Variants in AIRE observed in about 807,000 individuals in gnomAD.
The protein encoded by AIRE is autoimmune regulator.
Under a neutral mutation model 62.1 loss-of-function variants are expected in AIRE, and 52 were observed. The ratio of observed to expected loss-of-function variants is 0.84; its 90% CI spans 0.67 to 1.06. The LOEUF is 1.06. AIRE is among the 50% of genes least tolerant of loss of function. The pLI is 0.00. For synonymous variants in AIRE, 342 were observed against 321.6 expected (o/e 1.06, Z -0.68); for missense variants, 774 against 755.8 (o/e 1.02, Z -0.28).
Position 44,288,418 on chromosome 21 carries a change from G to A in AIRE, c.612G>A (p.Gly204=). ...MSSGDVPGAR[G]AVEGILIQQV... Reference sequence around the variant, plus strand: ...CCGGGGACGTCCCGGGAGCCCGAGGGGCCGTGGAGGGGATCCTCATCCAGC... The same window carrying A: ...CCGGGGACGTCCCGGGAGCCCGAGGAGCCGTGGAGGGGATCCTCATCCAGC... Residue 204 remains glycine, a synonymous_variant, in exon 5 of 14, where the codon GGG becomes GGA. Transcript: ENST00000291582. 6.2e-7 allele frequency: 1 copy of A among 1,611,942 alleles called. No homozygotes were observed. The highest frequency in any genetic ancestry group is 8.5e-7 in the Non-Finnish European group (1 of 1,178,890).
Position 44,290,079 on chromosome 21 carries a change from A to G in AIRE, c.879+11A>G, listed in dbSNP as rs1601966929. The G allele has an allele frequency of 6.2e-7, 1 of 1,609,958 alleles. No homozygotes were observed. Among genetic ancestry groups the G allele is most frequent in the Non-Finnish European group, 8.5e-7 (1 of 1,178,172 alleles). ...CCCCAGCTCCACCAGGTAATGCCCT[A>G]GACCACAGGAGAGGCCCCTGTCTGC... is the stretch of plus-strand genomic sequence containing the variant. On this transcript the variant is annotated intron_variant, in intron 7 of 13. Coordinates refer to ENST00000291582, the MANE Select transcript of AIRE (RefSeq NM_000383.4).
intron 9 of AIRE, 105 bp from the exon 10 acceptor site, chr21:44,292,888 C>A: frequency 9.4e-7 from 1 of 1,060,020 alleles, no homozygotes; most frequent in Non-Finnish European, 1.4e-6. Flanking sequence ...CAGGCCTCTG[C>A]CCCCACCCTG....
In AIRE at chr21:44,292,417, CT is replaced by C. The variant is rs748548018; in HGVS notation, c.1095+17del. The C allele has an allele frequency of 6.5e-7, 1 of 1,534,806 alleles. No individual in the cohort carries two copies. The highest frequency in any genetic ancestry group is 8.8e-7 in the Non-Finnish European group (1 of 1,134,568). ...GGAGACCCCGGTATGGCCACGCCCC[CT>C]CCTAGCCGGGCCACCCCTCCTGTCC... is the stretch of plus-strand genomic sequence containing the variant. On this transcript the variant is annotated intron_variant, in intron 9 of 13. Coordinates refer to ENST00000291582, the MANE Select transcript of AIRE (RefSeq NM_000383.4).
chr21:44,288,521 A>G (rs1279213108), intron 5 of AIRE, 63 bp downstream of exon 5: 7 of 1,250,252 alleles, frequency 5.6e-6, no homozygotes, highest in Admixed American at 1.8e-5. Context: ...TGGAAGGAGG[A>G]CCACGCCCCT....
At position 44,291,010 on chromosome 21, in the gene AIRE, G is replaced by A. The variant is rs142297552; in HGVS notation, c.880-85G>A. Reference sequence around the variant, plus strand: ...GTTCAGGTACCCAGAGATGCTGCTGGGGGAGCTGTTTTGGGAAGGAGGTGG... The same window carrying A: ...GTTCAGGTACCCAGAGATGCTGCTGAGGGAGCTGTTTTGGGAAGGAGGTGG... On this transcript the variant is annotated intron_variant, in intron 7 of 13. Coordinates refer to ENST00000291582, the MANE Select transcript of AIRE (RefSeq NM_000383.4). 8 of 1,613,486 alleles carry A rather than the reference G, an allele frequency of 5.0e-6. No homozygotes were observed. The East Asian group carries it at 1.1e-4, about 22-fold the overall frequency.
chr21:44,294,362 TC>T (rs757763493), intron 11 of AIRE, 38 bp from the exon 12 acceptor site: 30 of 1,395,830 alleles, frequency 2.1e-5, no homozygotes, highest in Middle Eastern at 2.2e-4. Flanking sequence ...GCACTCCTGC[TC>T]CCCCCCAGGG....
In AIRE at chr21:44,298,068, G is replaced by A. The variant is rs953376951; in HGVS notation, c.*341G>A. ...AATCACTTGAACTCGGGAGGTGGAGGTTGCAGTGAGCTGAGATTGCGCCAC... is the reference window on the plus strand; with the variant it reads ...AATCACTTGAACTCGGGAGGTGGAGATTGCAGTGAGCTGAGATTGCGCCAC... On this transcript the variant is annotated 3_prime_UTR_variant, in exon 14 of 14. Transcript: ENST00000291582. 5.6e-6 allele frequency: 2 copies of A among 357,560 alleles called. No homozygotes were observed. Among genetic ancestry groups the A allele is most frequent in the Non-Finnish European group, 1.1e-5 (2 of 185,438 alleles). 22.1% of individuals were successfully genotyped at this position (357,560 alleles called of 1,614,324 possible).
At chr21:44,293,236 T>C in intron 10 of AIRE, 61 bp downstream of exon 10, 2 of 1,435,084 alleles carry the variant, frequency 1.4e-6, no homozygotes, top group Non-Finnish European at 1.8e-6. Context: ...ACGGGGCGGA[T>C]GAATTCACCT....
At chr21:44,288,172 C>G (rs1170216467) in intron 4 of AIRE, among the ~76,000 whole-genome samples, 173 bp from the exon 5 acceptor site, 1 of 152,234 alleles carries the variant, frequency 6.6e-6, no homozygotes, top group Non-Finnish European at 1.5e-5. Context: ...ATTCTCATGT[C>G]TCTGCACTTA....
chr21:44,293,259 G>A, intron 10 of AIRE, 84 bp downstream of exon 10: 1 of 1,399,890 alleles, frequency 7.1e-7, no homozygotes, highest in Non-Finnish European at 9.4e-7. Context: ...AACAGGAGGA[G>A]AGGGAGGCCA....
intron 7 of AIRE, chr21:44,290,779 G>A: frequency 6.7e-7 from 1 of 1,483,134 alleles, no homozygotes; most frequent in Non-Finnish European, 9.1e-7. Flanking sequence ...CCCTGGGCCT[G>A]GCCCCACTGC....
intron 13 of AIRE, among the ~76,000 whole-genome samples, chr21:44,296,689 G>A (rs1268610022): frequency 1.0e-5 from 1 of 98,264 alleles, no homozygotes; most frequent in Non-Finnish European, 2.0e-5. Flanking sequence ...CGGGAGCCCA[G>A]TGCTGCTGAG....
Position 44,286,188 on chromosome 21 carries a change from A to G in AIRE, c.132+50A>G, listed in dbSNP as rs1419506464. The G allele has an allele frequency of 6.2e-6, 8 of 1,281,242 alleles. No individual in the cohort carries two copies. In the South Asian group the frequency reaches 9.0e-5, roughly 14 times the overall value. 79.4% of individuals were successfully genotyped at this position (1,281,242 alleles called of 1,614,324 possible). A position where few individuals can be genotyped will look rare whatever the true frequency, so the allele number is the denominator to read the frequency against. ...TGCCCCCAGGCCCTGTGAGCCAGGG[A>G]TAGTCCCCGGGGAAGTTCCAGGAGG... is the stretch of plus-strand genomic sequence containing the variant. On this transcript the variant is annotated intron_variant, in intron 1 of 13. Coordinates refer to ENST00000291582, the MANE Select transcript of AIRE (RefSeq NM_000383.4). This position sits in a 1 kb window ranked among gnomAD's most constrained non-coding sequence, Gnocchi z 6.0.
chr21:44,294,411 C>A lies in AIRE; in HGVS notation c.1411C>A (p.Arg471Ser), dbSNP rs74203920. Reference sequence around the variant, plus strand: ...CATCCTCTGCTGCAGGACGGGCCTGCGCTGCAGATCCTGCTCAGGAGACGT... The same window carrying A: ...CATCCTCTGCTGCAGGACGGGCCTGAGCTGCAGATCCTGCTCAGGAGACGT... ...AGTSRPGTGL[R>S]CRSCSGDVTP... Residue 471 changes from arginine (R) to serine (S), a missense_variant, in exon 12 of 14, where the codon CGC becomes AGC. By Grantham distance (110) the Arg-to-Ser change is moderately radical (BLOSUM62 -1). Coordinates refer to ENST00000291582, the MANE Select transcript of AIRE (RefSeq NM_000383.4). The A allele has an allele frequency of 6.4e-7, 1 of 1,574,400 alleles. No homozygotes were observed. The highest frequency in any genetic ancestry group is 2.3e-5 in the East Asian group (1 of 43,708).
intron 4 of AIRE, among the ~76,000 whole-genome samples, chr21:44,288,028 C>G (rs569158369): frequency 1.3e-5 from 2 of 152,194 alleles, no homozygotes; most frequent in Non-Finnish European, 2.9e-5. Flanking sequence ...GTGTCCCTCC[C>G]GGCACAATAC....
At position 44,297,661 on chromosome 21, in the gene AIRE, C is replaced by A. The variant is rs1228364133; in HGVS notation, c.1572C>A (p.Thr524=). Residue 524 remains threonine (T), a synonymous_variant, in exon 14 of 14, where the codon ACC becomes ACA. Coordinates refer to ENST00000291582, the MANE Select transcript of AIRE (RefSeq NM_000383.4). This position sits in a 1 kb window ranked among gnomAD's most constrained non-coding sequence, Gnocchi z 4.8. ...ACCGTCACTCTGTCCCGCAGCACAC[C>A]TTCGATGGCATCCTGCAGTGGGCCA... The part of the protein sequence containing the change: ...DDLESLLSEH[T]FDGILQWAIQ... 6.2e-7 allele frequency: 1 copy of A among 1,612,086 alleles called. No individual in the cohort carries two copies. Among genetic ancestry groups the A allele is most frequent in the Non-Finnish European group, 8.5e-7 (1 of 1,179,678 alleles).
At chr21:44,293,433 C>T (rs956936518) in intron 10 of AIRE, among the ~76,000 whole-genome samples, 6 of 152,168 alleles carry the variant, frequency 3.9e-5, no homozygotes, top group Middle Eastern at 3.4e-3. Context: ...TCCCAGCACA[C>T]GTGGGAGCCC....
Position 44,287,822 on chromosome 21 carries a change from C to A in AIRE, c.538+231C>A, listed in dbSNP as rs142507016. Among the ~76,000 whole-genome samples, 590 of 152,232 alleles carry A rather than the reference C, an allele frequency of 3.9e-3. 3 individuals are homozygous for A. The highest frequency in any genetic ancestry group is 0.013 in the African/African-American group (547 of 41,516). Reference sequence around the variant, plus strand: ...CCCCCACTGCACCCTGGTTCTGGGACCCCCTTCTCAGGCACCTTCTCTGCC... The same window carrying A: ...CCCCCACTGCACCCTGGTTCTGGGAACCCCTTCTCAGGCACCTTCTCTGCC... On this transcript the variant is annotated intron_variant, in intron 4 of 13. Coordinates refer to ENST00000291582, the MANE Select transcript of AIRE (RefSeq NM_000383.4). This position sits in a 1 kb window ranked among gnomAD's most constrained non-coding sequence, Gnocchi z 4.3.
At position 44,297,277 on chromosome 21, in the gene AIRE, G is replaced by A. The variant is rs968247400; in HGVS notation, c.1567-379G>A. Among the ~76,000 whole-genome samples the A allele has an allele frequency of 1.6e-4, 25 of 152,348 alleles. No homozygotes were observed. The highest frequency in any genetic ancestry group is 6.0e-4 in the African/African-American group (25 of 41,596). On this transcript the variant is annotated intron_variant, in intron 13 of 13. Transcript: ENST00000291582. The surrounding 1 kb of genome is among the most constrained non-coding windows in gnomAD (Gnocchi z 4.8). ...GTGGCCCCATCCTGTGGGAGCATCA[G>A]GCTCCTGAGCAGAATAAGTAGCTGG...
Sources: allele counts gnomAD v4.1 joint callset (sites outside exome capture counted in the v4.1 genomes callset), GRCh38; gene constraint gnomAD v4.1.1; non-coding constraint Gnocchi (gnomAD v3.1); transcripts MANE v1.5; gene names NCBI Gene and HGNC (gene_info 2026-07-23, HGNC 2026-07-21).